The following VAV3 variants were observed in gnomAD, a reference collection of about 807,000 sequenced individuals.
VAV3 encodes guanine nucleotide exchange factor VAV3.
In VAV3, 94 loss-of-function variants were observed where a neutral mutation model predicts 131.2. The observed-to-expected ratio is 0.72, with a 90% CI of 0.61 to 0.85. VAV3 has a LOEUF of 0.85. Ranked by LOEUF, VAV3 falls within the 40% of genes least tolerant of loss-of-function variation. The pLI, the probability that VAV3 is intolerant of heterozygous loss-of-function variation, is 0.00. For synonymous variants in VAV3, 349 were observed against 342.0 expected, an observed-to-expected ratio of 1.02 and a Z score of -0.22; for missense variants, 939 against 1,002.7, an observed-to-expected ratio of 0.94 and a Z score of 0.86.
intron 15 of VAV3, among the ~76,000 whole-genome samples, chr1:107,732,897 C>G (rs915970696): frequency 6.6e-6 from 1 of 152,196 alleles, no homozygotes; most frequent in Non-Finnish European, 1.5e-5. Flanking sequence ...TGAGAATGGA[C>G]AGACTGCCTC....
chr1:107,688,012 T>A (rs1341399009), intron 18 of VAV3, among the ~76,000 whole-genome samples: 3 of 152,194 alleles, frequency 2.0e-5, no homozygotes, highest in African/African-American at 7.2e-5. Flanking sequence ...TTTGCACTAA[T>A]TCTACGGAAT....
At chr1:107,876,121 A>T (rs1670485760) in intron 1 of VAV3, among the ~76,000 whole-genome samples, 2 of 152,130 alleles carry the variant, frequency 1.3e-5, no homozygotes, top group African/African-American at 4.8e-5. Context: ...AAACCAGGAG[A>T]TAGGGTTTTC....
At position 107,845,126 on chromosome 1, in the gene VAV3, G is replaced by T. The variant is rs553370875; in HGVS notation, c.321+29775C>A. On this transcript the variant is annotated intron_variant, in intron 2 of 26. Coordinates refer to ENST00000370056, the MANE Select transcript of VAV3 (RefSeq NM_006113.5). ...GAGAAAGGAACAGGCAGCAATCTTT[G>T]CTCTTCTGCAGCATCCACTGGTGAT... Among the ~76,000 whole-genome samples, 9 of 152,322 alleles carry T rather than the reference G, an allele frequency of 5.9e-5. No homozygotes were observed. The South Asian group carries it at 1.9e-3, about 32-fold the overall frequency.
At chr1:107,816,777 TATA>T (rs1667576776) in intron 2 of VAV3, among the ~76,000 whole-genome samples, 1 of 152,254 alleles carries the variant, frequency 6.6e-6, no homozygotes, top group Admixed American at 6.5e-5. Flanking sequence ...AAAAGAAATC[TATA>T]ATAATGTTTA....
At chr1:107,883,652 T>C (rs1022862060) in intron 1 of VAV3, among the ~76,000 whole-genome samples, 1 of 152,194 alleles carries the variant, frequency 6.6e-6, no homozygotes, top group Non-Finnish European at 1.5e-5. Context: ...AATTACATTC[T>C]TAAGCATGAT....
intron 19 of VAV3, among the ~76,000 whole-genome samples, chr1:107,661,673 G>A (rs574733948): frequency 9.6e-4 from 146 of 152,226 alleles, no homozygotes; most frequent in Non-Finnish European, 1.7e-3. Context: ...TATCATTAAA[G>A]AATATATTTT....
intron 17 of VAV3, among the ~76,000 whole-genome samples, chr1:107,699,309 G>A (rs1182449528): frequency 6.6e-6 from 1 of 152,258 alleles, no homozygotes; most frequent in Admixed American, 6.5e-5. Flanking sequence ...ATGCAAGTCT[G>A]AAATCCAGCA....
At chr1:107,740,831 G>A (rs754763839) in intron 15 of VAV3, among the ~76,000 whole-genome samples, 9 of 152,154 alleles carry the variant, frequency 5.9e-5, no homozygotes, top group Non-Finnish European at 1.3e-4. Context: ...GGCTGCATTC[G>A]TAGTTAACTA....
chr1:107,913,046 C>A (rs1218932988), intron 1 of VAV3, among the ~76,000 whole-genome samples: 1 of 152,170 alleles, frequency 6.6e-6, no homozygotes, highest in Non-Finnish European at 1.5e-5. Context: ...CTATTGTAAT[C>A]TTTTTCATGT....
chr1:107,779,333 A>G, intron 3 of VAV3, 101 bp downstream of exon 3: 1 of 1,049,810 alleles, frequency 9.5e-7, no homozygotes, highest in Non-Finnish European at 1.3e-6. Flanking sequence ...TGAATGAGAC[A>G]TAGTACCTGT....
chr1:107,601,833 T>C (rs2101100625), intron 24 of VAV3, among the ~76,000 whole-genome samples: 1 of 152,328 alleles, frequency 6.6e-6, no homozygotes, highest in Admixed American at 6.5e-5. Context: ...CAATATACTA[T>C]TTCCATTTAA....
intron 12 of VAV3, among the ~76,000 whole-genome samples, chr1:107,754,460 T>G (rs924821455): frequency 1.3e-5 from 2 of 152,212 alleles, no homozygotes; most frequent in African/African-American, 4.8e-5. Context: ...TCATCTCTAT[T>G]TGCACTGCCC....
chr1:107,708,016 A>T (rs1330109620), intron 15 of VAV3, among the ~76,000 whole-genome samples: 1 of 152,244 alleles, frequency 6.6e-6, no homozygotes, highest in African/African-American at 2.4e-5. Flanking sequence ...TACAAGGCAG[A>T]GTCATTCATC....
intron 8 of VAV3, among the ~76,000 whole-genome samples, chr1:107,766,049 G>T (rs1403246703): frequency 6.6e-6 from 1 of 152,058 alleles, no homozygotes; most frequent in Non-Finnish European, 1.5e-5. Flanking sequence ...ACCAGAATTG[G>T]AAGAAAAGTG....
intron 15 of VAV3, among the ~76,000 whole-genome samples, chr1:107,726,332 C>T (rs569257603): frequency 3.3e-5 from 5 of 152,210 alleles, no homozygotes; most frequent in African/African-American, 1.2e-4. Flanking sequence ...GATCCTCACA[C>T]AAGCTACAGG....
At chr1:107,597,237 A>C (rs1315678056) in intron 24 of VAV3, among the ~76,000 whole-genome samples, 1 of 151,704 alleles carries the variant, frequency 6.6e-6, no homozygotes, top group Non-Finnish European at 1.5e-5. Flanking sequence ...AAAAAAAAAA[A>C]AACAGAAAAA....
chr1:107,681,705 G>A (rs1265421071), intron 19 of VAV3, among the ~76,000 whole-genome samples: 2 of 150,536 alleles, frequency 1.3e-5, no homozygotes, highest in African/African-American at 2.4e-5. Flanking sequence ...CCAGGCTGGA[G>A]TGCAGTGGCG....
At chr1:107,700,550 G>A (rs1321996248) in intron 17 of VAV3, among the ~76,000 whole-genome samples, 1 of 152,168 alleles carries the variant, frequency 6.6e-6, no homozygotes, top group Non-Finnish European at 1.5e-5. Flanking sequence ...AGAACATGTG[G>A]TGTTTGGTTT....
chr1:107,698,403 C>T (rs1296793932), intron 17 of VAV3, among the ~76,000 whole-genome samples: 1 of 152,084 alleles, frequency 6.6e-6, no homozygotes, highest in Non-Finnish European at 1.5e-5. Context: ...TACTGTGTTG[C>T]CAGATGATTT....
Sources: allele counts gnomAD v4.1 joint callset (sites outside exome capture counted in the v4.1 genomes callset), GRCh38; gene constraint gnomAD v4.1.1; transcripts MANE v1.5; gene names NCBI Gene and HGNC (gene_info 2026-07-23, HGNC 2026-07-21).